Variants in ZC3H14 observed in about 807,000 individuals in gnomAD.
ZC3H14 encodes the protein zinc finger CCCH-type containing 14.
A neutral mutation model predicts 92.4 loss-of-function variants in ZC3H14; 31 were observed. The ratio of observed to expected loss-of-function variants is 0.34; its 90% CI spans 0.25 to 0.45. The LOEUF is 0.45. ZC3H14 is among the 20% of genes least tolerant of loss of function. ZC3H14 has a pLI of 1.00. For synonymous variants in ZC3H14, 321 were observed against 300.9 expected (o/e 1.07, Z -0.69); for missense variants, 781 against 897.3 (o/e 0.87, Z 1.66).
In ZC3H14 at chr14:88,624,956, G is replaced by A. The variant is rs2089695639; in HGVS notation, c.*13205G>A. The stretch of plus-strand genomic sequence containing the variant: ...CAAATGCATAAATATTCTGTGAAAA[G>A]AAAGAGGACTCACGGCCTTTCCTTT... On this transcript the variant is annotated 3_prime_UTR_variant, in exon 17 of 17. Transcript: ENST00000251038. The A allele has an allele frequency of 3.1e-6, 5 of 1,611,872 alleles. No individual in the cohort carries two copies. The highest frequency in any genetic ancestry group is 4.2e-6 in the Non-Finnish European group (5 of 1,179,088).
At chr14:88,579,486 TGTA>T (rs1340480307) in intron 9 of ZC3H14, among the ~76,000 whole-genome samples, 2 of 152,152 alleles carry the variant, frequency 1.3e-5, no homozygotes, top group African/African-American at 4.8e-5. Flanking sequence ...CTGTGGAGTC[TGTA>T]GTGTGTTGCA....
At chr14:88,565,602 G>T (rs1213221190) in intron 2 of ZC3H14, among the ~76,000 whole-genome samples, 1 of 152,118 alleles carries the variant, frequency 6.6e-6, no homozygotes, top group African/African-American at 2.4e-5. Context: ...AAACTCTGGG[G>T]TGGGTCAGTG....
chr14:88,590,118 A>G, intron 9 of ZC3H14: 1 of 151,782 alleles, frequency 6.6e-6, no homozygotes, highest in East Asian at 1.9e-4. Flanking sequence ...TGACACAGTG[A>G]CACTCTGTCT....
chr14:88,578,273 A>T, intron 9 of ZC3H14, 133 bp downstream of exon 9: 1 of 1,329,290 alleles, frequency 7.5e-7, no homozygotes, highest in Non-Finnish European at 1.0e-6. Context: ...AATGAGAAGA[A>T]TACCATGAGG....
chr14:88,621,005 A>T lies in ZC3H14; in HGVS notation c.*9254A>T. On this transcript the variant is annotated 3_prime_UTR_variant, in exon 17 of 17. Coordinates refer to ENST00000251038, the MANE Select transcript of ZC3H14 (RefSeq NM_024824.5). ...TTCTAAATTATACCAGTTTCCCCTC[A>T]AAATGCTCAACAGAATTCTGGCAGT... The T allele has an allele frequency of 6.8e-7, 1 of 1,473,644 alleles. No individual in the cohort carries two copies. Among genetic ancestry groups the T allele is most frequent in the Non-Finnish European group, 9.0e-7 (1 of 1,113,878 alleles). The allele number at this position is 1,473,644 out of a possible 1,614,324, so 91.3% of individuals were successfully genotyped here.
Position 88,621,519 on chromosome 14 carries a change from C to T in ZC3H14, c.*9768C>T, listed in dbSNP as rs1476703666. On this transcript the variant is annotated 3_prime_UTR_variant, in exon 17 of 17. Transcript: ENST00000251038. ...GCTAGATTACATATTAGAGTCCATG[C>T]TACAGAATAGAACTTTTCTGTGGCA... 1.7e-6 allele frequency: 1 copy of T among 577,014 alleles called. No homozygotes were observed. Among genetic ancestry groups the T allele is most frequent in the South Asian group, 2.2e-5 (1 of 44,804 alleles). 35.7% of individuals were successfully genotyped at this position (577,014 alleles called of 1,614,324 possible).
chr14:88,610,654 A>AAC (rs1027078490), intron 15 of ZC3H14, among the ~76,000 whole-genome samples, 180 bp from the exon 16 acceptor site: 1 of 150,980 alleles, frequency 6.6e-6, no homozygotes, highest in African/African-American at 2.4e-5. Context: ...TTAAAAAAAA[A>AAC]AAAAACAGGC....
At chr14:88,609,149 GT>G in intron 13 of ZC3H14, 117 bp from the exon 14 acceptor site, 98 of 1,234,104 alleles carry the variant, frequency 7.9e-5, no homozygotes, top group Non-Finnish European at 8.9e-5. Context: ...TTTTGTTGCT[GT>G]TTTTTTTGCA....
At position 88,620,614 on chromosome 14, in the gene ZC3H14, A is replaced by G. The variant is rs546888711; in HGVS notation, c.*8863A>G. The G allele has an allele frequency of 2.6e-4, 175 of 674,672 alleles. No homozygotes were observed. The highest frequency in any genetic ancestry group is 3.6e-4 in the Non-Finnish European group (160 of 443,448). 41.8% of individuals were successfully genotyped at this position (674,672 alleles called of 1,614,324 possible). ...AGAATTAAGTAGTATACAAACAGCCATATTTTAGCATACAATTTATAATAC... is the reference window on the plus strand; with the variant it reads ...AGAATTAAGTAGTATACAAACAGCCGTATTTTAGCATACAATTTATAATAC... On this transcript the variant is annotated 3_prime_UTR_variant, in exon 17 of 17. Transcript: ENST00000251038. The surrounding 1 kb of genome is among the most constrained non-coding windows in gnomAD (Gnocchi z 4.3).
chr14:88,606,262 T>C (rs1208234487), intron 12 of ZC3H14, among the ~76,000 whole-genome samples: 2 of 152,190 alleles, frequency 1.3e-5, no homozygotes, highest in Non-Finnish European at 2.9e-5. Context: ...GGGGTCCCAC[T>C]TTGCCCTGTC....
intron 9 of ZC3H14, among the ~76,000 whole-genome samples, chr14:88,588,659 T>C (rs769041724): frequency 2.5e-4 from 38 of 152,294 alleles, no homozygotes; most frequent in Non-Finnish European, 4.7e-4. Flanking sequence ...GAAAATTCAT[T>C]CTCTTCCGTG....
At position 88,568,115 on chromosome 14, in the gene ZC3H14, C is replaced by T; in HGVS notation, c.156C>T (p.Ser52=). The T allele has an allele frequency of 6.2e-7, 1 of 1,614,032 alleles. No homozygotes were observed. Among genetic ancestry groups the T allele is most frequent in the Non-Finnish European group, 8.5e-7 (1 of 1,179,938 alleles). Residue 52 remains serine, a synonymous_variant, in exon 3 of 17, where the codon TCC becomes TCT. Transcript: ENST00000251038. The part of the protein sequence containing the change: ...KSQDQMTEDL[S]LFLGNNTIRF... ...AGGACCAAATGACAGAGGATCTGTC[C>T]CTGTTTCTAGGGAACAACACAATTC...
chr14:88,603,089 G>C (rs757557607), intron 12 of ZC3H14, 29 bp downstream of exon 12: 1 of 1,602,576 alleles, frequency 6.2e-7, no homozygotes, highest in Non-Finnish European at 8.5e-7. Context: ...TTTTCAGGGT[G>C]CTGTCATTGT....
rs2090090786 is a variant in ZC3H14 at position 88,627,509 on chromosome 14, C to G, written c.*15758C>G. ...AAAGTGAAATATACCTACAGTACCA[C>G]TGTGTACAGTATATTGCATAGGCCT... On this transcript the variant is annotated 3_prime_UTR_variant, in exon 17 of 17. Coordinates refer to ENST00000251038, the MANE Select transcript of ZC3H14 (RefSeq NM_024824.5). The G allele has an allele frequency of 2.6e-6, 2 of 775,450 alleles. No individual in the cohort carries two copies. The highest frequency in any genetic ancestry group is 5.5e-5 in the East Asian group (2 of 36,492). 48.0% of individuals were successfully genotyped at this position (775,450 alleles called of 1,614,324 possible). A position where few individuals can be genotyped will look rare whatever the true frequency, so the allele number is the denominator to read the frequency against.
intron 9 of ZC3H14, chr14:88,595,101 C>T (rs750593941): frequency 4.4e-5 from 71 of 1,610,308 alleles, no homozygotes; most frequent in Non-Finnish European, 5.6e-5. Flanking sequence ...TCCTTAGAAA[C>T]GTTGAGAAAG....
In ZC3H14 at chr14:88,599,059, G is replaced by A. The variant is rs568162535; in HGVS notation, c.1354+2251G>A. Among the ~76,000 whole-genome samples, 5 of 152,362 alleles carry A rather than the reference G, an allele frequency of 3.3e-5. No individual in the cohort carries two copies. In the East Asian group the frequency reaches 9.6e-4, roughly 29 times the overall value. On this transcript the variant is annotated intron_variant, in intron 10 of 16. Transcript: ENST00000251038. Reference sequence around the variant, plus strand: ...GCTGAGCTCGCACCACTGCACTCCAGCCTGGGTGACAGAGCAAGACTGTCT... The same window carrying A: ...GCTGAGCTCGCACCACTGCACTCCAACCTGGGTGACAGAGCAAGACTGTCT...
At chr14:88,572,275 A>ATGTGTG (rs2080522362) in intron 5 of ZC3H14, 50 bp downstream of exon 5, 6 of 1,585,066 alleles carry the variant, frequency 3.8e-6, no homozygotes, top group Non-Finnish European at 5.2e-6. Context: ...TGTGTATGTG[A>ATGTGTG]CATTTATATT....
At position 88,621,149 on chromosome 14, in the gene ZC3H14, T is replaced by C. The variant is rs779402621; in HGVS notation, c.*9398T>C. ...TATCCCAAAGTCTCACTGTCCCATC[T>C]TCTGCAGCAGAAAGGAAAAAATCCC... On this transcript the variant is annotated 3_prime_UTR_variant, in exon 17 of 17. Coordinates refer to ENST00000251038, the MANE Select transcript of ZC3H14 (RefSeq NM_024824.5). The C allele has an allele frequency of 9.9e-6, 16 of 1,613,842 alleles. No individual in the cohort carries two copies. Among genetic ancestry groups the C allele is most frequent in the Non-Finnish European group, 2.5e-6 (3 of 1,179,878 alleles).
intron 10 of ZC3H14, among the ~76,000 whole-genome samples, chr14:88,599,476 C>T (rs1371004748): frequency 6.6e-6 from 1 of 152,132 alleles, no homozygotes; most frequent in East Asian, 1.9e-4. Context: ...TACTTACTCC[C>T]CCGTCTGTCT....
Sources: gnomAD v4.1 joint callset for allele counts (sites outside exome capture counted in the v4.1 genomes callset) on GRCh38, gnomAD v4.1.1 for gene constraint, Gnocchi (gnomAD v3.1) non-coding constraint, MANE v1.5 for transcripts, NCBI Gene and HGNC (gene_info 2026-07-23, HGNC 2026-07-21) for gene names.